Variants in EPHB1 observed in about 807,000 individuals in gnomAD.
EPHB1 encodes ephrin type-B receptor 1.
In EPHB1, 30 loss-of-function variants were observed where a neutral mutation model predicts 94.4. The observed-to-expected ratio is 0.32, with a 90% CI of 0.24 to 0.43. The LOEUF is 0.43. Among genes scored for constraint, EPHB1 ranks in the 20% least tolerant of loss-of-function variants. The pLI, the probability that EPHB1 is intolerant of heterozygous loss-of-function variation, is 1.00. For missense variants in EPHB1, 1,055 were observed against 1,308.3 expected, an observed-to-expected ratio of 0.81 and a Z score of 2.99; for synonymous variants, 522 against 489.1, an observed-to-expected ratio of 1.07 and a Z score of -0.89.
Position 134,951,113 on chromosome 3 carries a change from T to G in EPHB1, c.124-258T>G, listed in dbSNP as rs1933009458. Among the ~76,000 whole-genome samples the G allele has an allele frequency of 6.6e-6, 1 of 152,196 alleles. No homozygotes were observed. The highest frequency in any genetic ancestry group is 2.4e-5 in the African/African-American group (1 of 41,442). ...TAAGCTAGTCACAGAATGAGCATTA[T>G]GGGTTAGGCGAGGGACAGCTTTCTT... is the stretch of plus-strand genomic sequence containing the variant. On this transcript the variant is annotated intron_variant, in intron 2 of 15. Transcript: ENST00000398015. This position sits in a 1 kb window ranked among gnomAD's most constrained non-coding sequence, Gnocchi z 4.5.
intron 3 of EPHB1, among the ~76,000 whole-genome samples, chr3:134,956,221 T>A (rs940718087): frequency 6.6e-6 from 1 of 152,004 alleles, no homozygotes; most frequent in Non-Finnish European, 1.5e-5. Flanking sequence ...AGAGAAGATA[T>A]GACTGTCATA....
At chr3:134,915,037 C>G (rs549464026) in intron 1 of EPHB1, among the ~76,000 whole-genome samples, 1 of 152,116 alleles carries the variant, frequency 6.6e-6, no homozygotes, top group Non-Finnish European at 1.5e-5. Context: ...GAATGGGTAT[C>G]TTTGGAGGAA....
At chr3:134,840,143 G>A (rs2036749570) in intron 1 of EPHB1, among the ~76,000 whole-genome samples, 1 of 152,118 alleles carries the variant, frequency 6.6e-6, no homozygotes, top group South Asian at 2.1e-4. Flanking sequence ...GTCTCCCCAG[G>A]CAGCACACAT....
intron 3 of EPHB1, among the ~76,000 whole-genome samples, chr3:135,044,932 G>A (rs980168922): frequency 6.6e-5 from 10 of 151,942 alleles, no homozygotes; most frequent in East Asian, 1.9e-4. Context: ...GGCTTTTAAT[G>A]TTTTCAGGCA....
intron 10 of EPHB1, among the ~76,000 whole-genome samples, chr3:135,183,516 T>C (rs960056120): frequency 1.6e-4 from 25 of 152,302 alleles, no homozygotes; most frequent in African/African-American, 5.5e-4. Flanking sequence ...TGGAAAAATA[T>C]ACTCAATGCC....
chr3:135,052,858 C>A (rs1475356909), intron 3 of EPHB1, among the ~76,000 whole-genome samples: 70 of 14,198 alleles, frequency 4.9e-3, no homozygotes, highest in African/African-American at 0.023. Flanking sequence ...GAGACTCCGT[C>A]TCAAAAAAAA....
At chr3:134,796,697 G>A (rs925444260) in intron 1 of EPHB1, among the ~76,000 whole-genome samples, 1 of 151,914 alleles carries the variant, frequency 6.6e-6, no homozygotes, top group African/African-American at 2.4e-5. Flanking sequence ...TGGGAACACA[G>A]CTCCGCGGGA....
chr3:134,979,905 T>A (rs566961616), intron 3 of EPHB1, among the ~76,000 whole-genome samples: 64 of 152,334 alleles, frequency 4.2e-4, no homozygotes, highest in African/African-American at 1.4e-3. Context: ...TCTCCCTTAA[T>A]CAGTTTTTTT....
chr3:135,128,641 A>G (rs1172414897), intron 4 of EPHB1, among the ~76,000 whole-genome samples: 1 of 152,096 alleles, frequency 6.6e-6, no homozygotes, highest in Non-Finnish European at 1.5e-5. Flanking sequence ...CATAACACTT[A>G]TTCTTATTTA....
intron 3 of EPHB1, among the ~76,000 whole-genome samples, chr3:135,073,958 A>G (rs1455943635): frequency 6.6e-6 from 1 of 152,196 alleles, no homozygotes; most frequent in Non-Finnish European, 1.5e-5. Context: ...TGGAAAGAAT[A>G]CTTCAACTTC....
At chr3:134,998,780 A>C (rs1011575711) in intron 3 of EPHB1, among the ~76,000 whole-genome samples, 1 of 152,216 alleles carries the variant, frequency 6.6e-6, no homozygotes, top group Admixed American at 6.5e-5. Flanking sequence ...CTACATCAAC[A>C]GTGCCTAACA....
In EPHB1 at chr3:134,951,360, G is replaced by C; in HGVS notation, c.124-11G>C. 1.3e-6 allele frequency: 2 copies of C among 1,547,136 alleles called. No homozygotes were observed. The highest frequency in any genetic ancestry group is 1.7e-6 in the Non-Finnish European group (2 of 1,145,584). ...TTTTGCATGTGTGTGCCTGTGGCCT[G>C]CTATGTACAGTGGGAAGAAGTCAGT... On this transcript the variant is annotated splice_polypyrimidine_tract_variant and intron_variant, in intron 2 of 15. Coordinates refer to ENST00000398015, the MANE Select transcript of EPHB1 (RefSeq NM_004441.5). The surrounding 1 kb of genome is among the most constrained non-coding windows in gnomAD (Gnocchi z 4.5).
chr3:135,005,887 C>G (rs926191688), intron 3 of EPHB1, among the ~76,000 whole-genome samples: 1 of 152,230 alleles, frequency 6.6e-6, no homozygotes, highest in Non-Finnish European at 1.5e-5. Context: ...GAACCCAGTA[C>G]CTCAGATGGA....
At chr3:135,107,554 C>T (rs1046154395) in intron 4 of EPHB1, among the ~76,000 whole-genome samples, 2 of 152,208 alleles carry the variant, frequency 1.3e-5, no homozygotes, top group African/African-American at 4.8e-5. Flanking sequence ...ATAATGCTTC[C>T]TGGCTCCCTG....
chr3:135,047,449 A>T (rs1422908978), intron 3 of EPHB1, among the ~76,000 whole-genome samples: 1 of 152,138 alleles, frequency 6.6e-6, no homozygotes, highest in Non-Finnish European at 1.5e-5. Context: ...GTCCATTGGC[A>T]TCTGCAGGTC....
chr3:134,823,486 A>G (rs1237445426), intron 1 of EPHB1, among the ~76,000 whole-genome samples: 1 of 152,196 alleles, frequency 6.6e-6, no homozygotes, highest in East Asian at 1.9e-4. Flanking sequence ...CTGCCTGGTG[A>G]GCACCTGCCT....
intron 3 of EPHB1, among the ~76,000 whole-genome samples, chr3:134,989,514 CA>C (rs1934719021): frequency 6.6e-6 from 1 of 151,942 alleles, no homozygotes; most frequent in Non-Finnish European, 1.5e-5. Flanking sequence ...CACACACACA[CA>C]CACACATATA....
chr3:135,080,195 C>T (rs1035271080), intron 3 of EPHB1, among the ~76,000 whole-genome samples: 1 of 152,076 alleles, frequency 6.6e-6, no homozygotes, highest in African/African-American at 2.4e-5. Context: ...CCTGGGGAAG[C>T]GAGGTATTCC....
At chr3:134,901,987 T>G (rs1289260700) in intron 1 of EPHB1, among the ~76,000 whole-genome samples, 1 of 152,160 alleles carries the variant, frequency 6.6e-6, no homozygotes, top group Non-Finnish European at 1.5e-5. Context: ...ACAGTGACAA[T>G]GTGGAGGAGG....
Sources: allele counts gnomAD v4.1 joint callset (sites outside exome capture counted in the v4.1 genomes callset), GRCh38; gene constraint gnomAD v4.1.1; non-coding constraint Gnocchi (gnomAD v3.1); transcripts MANE v1.5; gene names NCBI Gene and HGNC (gene_info 2026-07-23, HGNC 2026-07-21).